The following SLC36A1 variants were observed in gnomAD, a reference collection of about 807,000 sequenced individuals.
SLC36A1 encodes the protein solute carrier family 36 member 1.
SLC36A1 carries 30 observed loss-of-function variants against 47.5 expected under a neutral mutation model. The ratio of observed to expected loss-of-function variants is 0.63; its 90% confidence interval spans 0.47 to 0.86. The LOEUF is 0.86. SLC36A1 is among the 40% of genes least tolerant of loss of function. The probability of loss-of-function intolerance (pLI) is 0.00; values close to 1 mark genes in which losing one functional copy is unlikely to be tolerated. For synonymous variants in SLC36A1, 255 were observed against 249.7 expected, an observed-to-expected ratio of 1.02 and a Z score of -0.20; for missense variants, 517 against 606.0, an observed-to-expected ratio of 0.85 and a Z score of 1.54.
the SLC36A1 span, among the ~76,000 whole-genome samples, chr5:151,409,472 G>T: frequency 6.6e-6 from 1 of 152,178 alleles, no homozygotes; most frequent in Admixed American, 6.5e-5. Flanking sequence ...CCAAAACACT[G>T]ATAACCAAGT....
chr5:151,391,935 T>C, the SLC36A1 span, among the ~76,000 whole-genome samples: 1 of 152,152 alleles, frequency 6.6e-6, no homozygotes, highest in African/African-American at 2.4e-5. Context: ...TCAGGGAGGA[T>C]TCCCTCTTTT....
the SLC36A1 span, among the ~76,000 whole-genome samples, chr5:151,528,920 C>T: frequency 6.6e-6 from 1 of 152,144 alleles, no homozygotes; most frequent in African/African-American, 2.4e-5. Flanking sequence ...CCTAACAAAC[C>T]TCGCCTATCC....
chr5:151,529,817 A>C, the SLC36A1 span, among the ~76,000 whole-genome samples: 1 of 152,330 alleles, frequency 6.6e-6, no homozygotes, highest in East Asian at 1.9e-4. Flanking sequence ...TCAGGGCATA[A>C]AATGAGATTC....
chr5:151,413,233 T>TG, the SLC36A1 span, among the ~76,000 whole-genome samples: 1 of 151,888 alleles, frequency 6.6e-6, no homozygotes, highest in East Asian at 1.9e-4. Flanking sequence ...AGGCATCTTT[T>TG]TTTTTTTTCC....
At chr5:151,407,821 G>A in the SLC36A1 span, among the ~76,000 whole-genome samples, 1 of 152,170 alleles carries the variant, frequency 6.6e-6, no homozygotes, top group Non-Finnish European at 1.5e-5. Context: ...GGAGAAGGAA[G>A]GTCCTTAGAA....
Position 151,489,097 on chromosome 5 carries a change from T to A in SLC36A1, c.*843T>A, listed in dbSNP as rs1759899707. 6.6e-6 allele frequency: 1 copy of A among 152,204 alleles called. No homozygotes were observed. The highest frequency in any genetic ancestry group is 2.4e-5 in the African/African-American group (1 of 41,458). 9.4% of individuals were successfully genotyped at this position (152,204 alleles called of 1,614,324 possible). A position where few individuals can be genotyped will look rare whatever the true frequency, so the allele number is the denominator to read the frequency against. On this transcript the variant is annotated 3_prime_UTR_variant, in exon 11 of 11. Coordinates refer to ENST00000243389, the MANE Select transcript of SLC36A1 (RefSeq NM_078483.4). This position sits in a 1 kb window ranked among gnomAD's most constrained non-coding sequence, Gnocchi z 4.5. ...ATGTCTGCATGGGTCCTCGGCACTC[T>A]TGGCTGAGGACTCAAAGGTTTTAAT... is the stretch of plus-strand genomic sequence containing the variant.
At chr5:151,350,634 TA>T in the SLC36A1 span, among the ~76,000 whole-genome samples, 2 of 151,736 alleles carry the variant, frequency 1.3e-5, no homozygotes, top group African/African-American at 2.4e-5. Context: ...ATATCACCAT[TA>T]AAAAAAAGAG....
At chr5:151,405,618 A>G in the SLC36A1 span, among the ~76,000 whole-genome samples, 3 of 149,782 alleles carry the variant, frequency 2.0e-5, no homozygotes, top group Non-Finnish European at 2.9e-5. Context: ...ACCTTTAGAG[A>G]TAAGAAAACC....
intron 8 of SLC36A1, among the ~76,000 whole-genome samples, chr5:151,473,995 A>G (rs573897965): frequency 5.3e-4 from 81 of 151,554 alleles, no homozygotes; most frequent in African/African-American, 1.9e-3. Flanking sequence ...CCCCATCTCT[A>G]CTAAATATAC....
At chr5:151,521,796 C>T in the SLC36A1 span, 30 of 1,614,046 alleles carry the variant, frequency 1.9e-5, no homozygotes, top group African/African-American at 1.9e-4. Context: ...TGACGTTGAA[C>T]GAGTAGTGGC....
At chr5:151,479,269 A>G in intron 9 of SLC36A1, 51 bp from the exon 10 acceptor site, 1 of 1,585,758 alleles carries the variant, frequency 6.3e-7, no homozygotes, top group African/African-American at 1.3e-5. Context: ...CTTGCTGATG[A>G]TGTATAAGTG....
the SLC36A1 span, among the ~76,000 whole-genome samples, chr5:151,345,866 A>G: frequency 6.6e-6 from 1 of 152,208 alleles, no homozygotes; most frequent in South Asian, 2.1e-4. Flanking sequence ...CACAGCAGCC[A>G]ACACTTACAG....
chr5:151,471,986 C>T (rs140323791), intron 7 of SLC36A1, among the ~76,000 whole-genome samples: 29 of 152,314 alleles, frequency 1.9e-4, no homozygotes, highest in African/African-American at 7.0e-4. Context: ...ATCCCTCCTC[C>T]CCACCCTGCC....
chr5:151,494,171 C>G (rs56908173), downstream of SLC36A1, among the ~76,000 whole-genome samples: 3,695 of 152,204 alleles, frequency 0.024, 128 homozygotes, highest in African/African-American at 0.084. Flanking sequence ...GACCCTAAGC[C>G]TGGGGCTCTT....
chr5:151,363,890 A>G, the SLC36A1 span, among the ~76,000 whole-genome samples: 1 of 152,238 alleles, frequency 6.6e-6, no homozygotes, highest in Admixed American at 6.5e-5. Flanking sequence ...TACTGAACTC[A>G]TGCAGAGATG....
chr5:151,516,055 C>T, the SLC36A1 span, among the ~76,000 whole-genome samples: 2 of 152,348 alleles, frequency 1.3e-5, no homozygotes, highest in African/African-American at 4.8e-5. Context: ...CTTAAACATG[C>T]TAAGCATTCT....
the SLC36A1 span, chr5:151,534,330 A>G: frequency 8.6e-5 from 100 of 1,156,928 alleles, no homozygotes; most frequent in East Asian, 2.5e-3. Flanking sequence ...AGTCCTAGAG[A>G]GACACAAAGG....
chr5:151,533,728 T>G, the SLC36A1 span, among the ~76,000 whole-genome samples: 4 of 152,030 alleles, frequency 2.6e-5, no homozygotes, highest in African/African-American at 7.2e-5. Flanking sequence ...TACATATATA[T>G]ATACATACAC....
At chr5:151,371,043 A>G in the SLC36A1 span, among the ~76,000 whole-genome samples, 1 of 152,080 alleles carries the variant, frequency 6.6e-6, no homozygotes, top group Non-Finnish European at 1.5e-5. Context: ...CATTCTGTGC[A>G]TTGTAGAACG....
Sources: allele counts gnomAD v4.1 joint callset (sites outside exome capture counted in the v4.1 genomes callset), GRCh38; gene constraint gnomAD v4.1.1; non-coding constraint Gnocchi (gnomAD v3.1); transcripts MANE v1.5; gene names NCBI Gene and HGNC (gene_info 2026-07-23, HGNC 2026-07-21).